RPS6KC1: variants seen among roughly 807,000 people sequenced by gnomAD.
The protein encoded by RPS6KC1 is ribosomal protein S6 kinase C1.
Under a neutral mutation model 103.8 loss-of-function variants are expected in RPS6KC1, and 54 were observed. The observed-to-expected ratio is 0.52, with a 90% CI of 0.42 to 0.65. The LOEUF (loss-of-function observed/expected upper bound fraction) is 0.65. RPS6KC1 is among the 30% of genes least tolerant of loss of function. The pLI, the probability that RPS6KC1 is intolerant of heterozygous loss-of-function variation, is 0.00. For synonymous variants in RPS6KC1, 439 were observed against 438.7 expected (o/e 1.00, Z -0.01); for missense variants, 1,151 against 1,253.8 (o/e 0.92, Z 1.24).
intron 4 of RPS6KC1, among the ~76,000 whole-genome samples, chr1:213,112,094 T>C (rs528513292): frequency 6.6e-6 from 1 of 152,260 alleles, no homozygotes; most frequent in Admixed American, 6.5e-5. Flanking sequence ...GACTTCTGAT[T>C]AGGTAAAGAT....
chr1:213,633,296 G>C, the RPS6KC1 span, among the ~76,000 whole-genome samples: 1 of 152,164 alleles, frequency 6.6e-6, no homozygotes, highest in Non-Finnish European at 1.5e-5. Flanking sequence ...GACAGCCAGA[G>C]AGAAAGGTCA....
chr1:213,122,615 A>C (rs2084522327), intron 5 of RPS6KC1, among the ~76,000 whole-genome samples: 1 of 152,180 alleles, frequency 6.6e-6, no homozygotes, highest in Non-Finnish European at 1.5e-5. Context: ...ATTTATAGAA[A>C]GTGCAAGTAA....
At chr1:213,434,479 A>C in the RPS6KC1 span, among the ~76,000 whole-genome samples, 2 of 151,986 alleles carry the variant, frequency 1.3e-5, no homozygotes, top group Non-Finnish European at 2.9e-5. Context: ...TTGTTGAGAC[A>C]GAGTGTCGCT....
chr1:213,545,846 A>G, the RPS6KC1 span, among the ~76,000 whole-genome samples: 3 of 152,196 alleles, frequency 2.0e-5, no homozygotes, highest in Non-Finnish European at 4.4e-5. Flanking sequence ...GTGCACATGC[A>G]GTCTCATTCC....
At chr1:213,260,884 A>G (rs376579637) in intron 12 of RPS6KC1, among the ~76,000 whole-genome samples, 1 of 152,202 alleles carries the variant, frequency 6.6e-6, no homozygotes, top group African/African-American at 2.4e-5. Context: ...GATAACACAG[A>G]TAAAAGTGTA....
chr1:213,697,269 G>A, the RPS6KC1 span, among the ~76,000 whole-genome samples: 1 of 152,132 alleles, frequency 6.6e-6, no homozygotes, highest in African/African-American at 2.4e-5. Flanking sequence ...CAGTGGGAGC[G>A]AGGTGGAAGG....
At chr1:213,107,384 T>C (rs574867174) in intron 4 of RPS6KC1, among the ~76,000 whole-genome samples, 19 of 152,344 alleles carry the variant, frequency 1.2e-4, no homozygotes, top group Admixed American at 1.2e-3. Flanking sequence ...TACATGGAAT[T>C]ACACAATATA....
chr1:213,609,261 G>T, the RPS6KC1 span, among the ~76,000 whole-genome samples: 1 of 152,212 alleles, frequency 6.6e-6, no homozygotes, highest in Non-Finnish European at 1.5e-5. Context: ...TAACAATCTA[G>T]AATTTCAGGT....
chr1:213,279,869 A>G, the RPS6KC1 span, among the ~76,000 whole-genome samples: 2 of 152,222 alleles, frequency 1.3e-5, no homozygotes, highest in Non-Finnish European at 2.9e-5. Context: ...AGAAATGCAA[A>G]TGCTTGTCCT....
At chr1:213,424,661 C>T in the RPS6KC1 span, among the ~76,000 whole-genome samples, 5 of 152,236 alleles carry the variant, frequency 3.3e-5, no homozygotes, top group African/African-American at 9.6e-5. Flanking sequence ...ATACCAGCTA[C>T]TGCGACTTTC....
chr1:213,620,123 T>C, the RPS6KC1 span, among the ~76,000 whole-genome samples: 1 of 152,244 alleles, frequency 6.6e-6, no homozygotes, highest in Non-Finnish European at 1.5e-5. Context: ...TATAGTGCTG[T>C]ACAGGTTGTT....
the RPS6KC1 span, among the ~76,000 whole-genome samples, chr1:213,675,138 T>TA: frequency 6.6e-6 from 1 of 152,246 alleles, no homozygotes; most frequent in Admixed American, 6.5e-5. Context: ...CAGAAGCTCT[T>TA]AAAATCTTTA....
At chr1:213,219,777 A>T (rs887842958) in intron 8 of RPS6KC1, among the ~76,000 whole-genome samples, 61 of 146,474 alleles carry the variant, frequency 4.2e-4, no homozygotes, top group Non-Finnish European at 7.6e-4. Context: ...CAAACACTAC[A>T]TGTTCTCATT....
At chr1:213,834,159 C>G in the RPS6KC1 span, among the ~76,000 whole-genome samples, 2 of 152,098 alleles carry the variant, frequency 1.3e-5, no homozygotes, top group South Asian at 2.1e-4. Context: ...CCCACTTCAG[C>G]CTCCCAAGTA....
chr1:213,151,207 C>G (rs2088790572), intron 6 of RPS6KC1, among the ~76,000 whole-genome samples: 1 of 135,760 alleles, frequency 7.4e-6, no homozygotes, highest in Non-Finnish European at 1.6e-5. Context: ...GGGCGGCTGG[C>G]CAGGCGGGGG....
the RPS6KC1 span, among the ~76,000 whole-genome samples, chr1:213,325,230 G>A: frequency 1.3e-5 from 2 of 152,178 alleles, no homozygotes; most frequent in African/African-American, 4.8e-5. Flanking sequence ...GAGCATCTAC[G>A]GACCCTCAGC....
At chr1:213,179,924 G>A (rs2092156740) in intron 8 of RPS6KC1, among the ~76,000 whole-genome samples, 1 of 152,044 alleles carries the variant, frequency 6.6e-6, no homozygotes, top group Non-Finnish European at 1.5e-5. Flanking sequence ...AATATATATA[G>A]AATGACATCT....
chr1:213,831,810 A>T, the RPS6KC1 span, among the ~76,000 whole-genome samples: 1 of 152,220 alleles, frequency 6.6e-6, no homozygotes, highest in African/African-American at 2.4e-5. Flanking sequence ...ACCAAAGTAG[A>T]TATGCAATAA....
At position 213,136,620 on chromosome 1, in the gene RPS6KC1, A is replaced by G. The variant is rs115203754; in HGVS notation, c.835+6731A>G. 9.0e-3 allele frequency among the ~76,000 whole-genome samples: 1,375 copies of G among 152,314 alleles called. 16 individuals carry two copies. Among genetic ancestry groups the G allele is most frequent in the African/African-American group, 0.029 (1,204 of 41,578 alleles). On this transcript the variant is annotated intron_variant, in intron 6 of 14. Transcript: ENST00000366960. The stretch of plus-strand genomic sequence containing the variant: ...CATGTTTCTTAGATGATAATTCTCT[A>G]GAGAACCGGCATGGTATCTACTTTT...
Sources: allele counts gnomAD v4.1 joint callset (sites outside exome capture counted in the v4.1 genomes callset), GRCh38; gene constraint gnomAD v4.1.1; transcripts MANE v1.5; gene names NCBI Gene and HGNC (gene_info 2026-07-23, HGNC 2026-07-21).